TOX: variants seen among roughly 807,000 people sequenced by gnomAD.
TOX encodes thymocyte selection-associated high mobility group box protein TOX.
TOX carries 11 observed loss-of-function variants against 53.7 expected under a neutral mutation model. The observed-to-expected ratio is 0.20, with a 90% CI of 0.13 to 0.34. The LOEUF (loss-of-function observed/expected upper bound fraction) is 0.34. Among genes scored for constraint, TOX ranks in the 10% least tolerant of loss-of-function variants. The pLI is 1.00. For synonymous variants in TOX, 225 were observed against 245.3 expected (o/e 0.92, Z 0.77); for missense variants, 570 against 664.6 (o/e 0.86, Z 1.56).
At chr8:58,959,570 T>A (rs1402232115) in intron 2 of TOX, among the ~76,000 whole-genome samples, 1 of 152,190 alleles carries the variant, frequency 6.6e-6, no homozygotes, top group Non-Finnish European at 1.5e-5. Flanking sequence ...CCCCAACCAT[T>A]GATAATTAAA....
At chr8:59,067,602 A>T (rs1804117244) in intron 1 of TOX, among the ~76,000 whole-genome samples, 1 of 152,004 alleles carries the variant, frequency 6.6e-6, no homozygotes. Context: ...ATAATAACAA[A>T]CATAGCACAT....
In TOX at chr8:58,826,864, G is replaced by A; in HGVS notation, c.963C>T (p.Tyr321=). 1 of 1,612,258 alleles carries A rather than the reference G, an allele frequency of 6.2e-7. No individual in the cohort carries two copies. The highest frequency in any genetic ancestry group is 8.5e-7 in the Non-Finnish European group (1 of 1,179,234). ...CTCTGTATGCTGCGAGTTGCTTCAG[G>A]TACTCCTTCTTCGCAGCCTCGGTTT... ...KKKTEAAKKE[Y]LKQLAAYRAS... The change falls in exon 6 of 9, where the codon TAC becomes TAT. Residue 321 remains tyrosine (Y), a synonymous_variant. Coordinates refer to ENST00000361421, the MANE Select transcript of TOX (RefSeq NM_014729.3).
At chr8:58,855,005 G>A (rs1188759495) in intron 3 of TOX, among the ~76,000 whole-genome samples, 3 of 152,106 alleles carry the variant, frequency 2.0e-5, no homozygotes, top group Non-Finnish European at 2.9e-5. Context: ...CTACAGCTCT[G>A]TCATGTCAAA....
At position 58,990,188 on chromosome 8, in the gene TOX, C is replaced by A. The variant is rs368333458; in HGVS notation, c.103-30180G>T. Among the ~76,000 whole-genome samples, 18 of 152,222 alleles carry A rather than the reference C, an allele frequency of 1.2e-4. No homozygotes were observed. In the East Asian group the frequency reaches 1.6e-3, roughly 13 times the overall value. ...CAGATGGCAAAACTGAGGCACAGAG[C>A]AGGTAAAGAATTGGCCTGTGATCAC... On this transcript the variant is annotated intron_variant, in intron 1 of 8. Coordinates refer to ENST00000361421, the MANE Select transcript of TOX (RefSeq NM_014729.3).
intron 1 of TOX, among the ~76,000 whole-genome samples, chr8:59,083,341 T>G (rs1370635547): frequency 6.6e-6 from 1 of 152,214 alleles, no homozygotes; most frequent in African/African-American, 2.4e-5. Context: ...TAGTTCTGTA[T>G]ATCATGATGG....
intron 1 of TOX, among the ~76,000 whole-genome samples, chr8:58,965,287 C>T (rs1812873085): frequency 6.6e-6 from 1 of 152,104 alleles, no homozygotes; most frequent in Admixed American, 6.6e-5. Flanking sequence ...TTTCAAAGCA[C>T]CAGGGGATGC....
At chr8:58,868,620 A>C (rs571565993) in intron 3 of TOX, among the ~76,000 whole-genome samples, 1 of 152,262 alleles carries the variant, frequency 6.6e-6, no homozygotes. Flanking sequence ...CATATGAATA[A>C]CTTAAGAAAG....
chr8:58,994,769 C>G (rs889801104), intron 1 of TOX, among the ~76,000 whole-genome samples: 1 of 152,212 alleles, frequency 6.6e-6, no homozygotes, highest in Non-Finnish European at 1.5e-5. Context: ...GACTCCCATT[C>G]CCACACAGGC....
At chr8:58,830,489 T>A (rs1473458326) in intron 5 of TOX, among the ~76,000 whole-genome samples, 1 of 152,176 alleles carries the variant, frequency 6.6e-6, no homozygotes, top group African/African-American at 2.4e-5. Context: ...ACGCTTATAA[T>A]CCCTAATTGA....
chr8:59,029,799 A>G (rs1387822685), intron 1 of TOX, among the ~76,000 whole-genome samples: 1 of 152,206 alleles, frequency 6.6e-6, no homozygotes, highest in Non-Finnish European at 1.5e-5. Context: ...GCACTGTGCC[A>G]ACTCATCTTC....
chr8:58,955,066 T>C (rs1812687815), intron 2 of TOX, among the ~76,000 whole-genome samples: 1 of 152,186 alleles, frequency 6.6e-6, no homozygotes, highest in East Asian at 1.9e-4. Flanking sequence ...CAATTTTATA[T>C]TCAAAATGTA....
intron 1 of TOX, among the ~76,000 whole-genome samples, chr8:59,069,407 A>G (rs1349111570): frequency 6.6e-6 from 1 of 152,178 alleles, no homozygotes; most frequent in Non-Finnish European, 1.5e-5. Flanking sequence ...ATCTTGATTT[A>G]AGATGCAGGA....
intron 1 of TOX, among the ~76,000 whole-genome samples, chr8:59,079,158 A>C (rs1804351053): frequency 6.6e-6 from 1 of 152,236 alleles, no homozygotes. Context: ...CTTATATTTA[A>C]AAGGAAAGCA....
intron 6 of TOX, among the ~76,000 whole-genome samples, chr8:58,823,205 G>A (rs934018353): frequency 1.3e-5 from 2 of 152,036 alleles, no homozygotes; most frequent in Admixed American, 1.3e-4. Context: ...TGGATTAGAT[G>A]GTATATAGCA....
intron 1 of TOX, among the ~76,000 whole-genome samples, chr8:59,082,210 C>A (rs1258089688): frequency 6.6e-6 from 1 of 152,106 alleles, no homozygotes; most frequent in Admixed American, 6.5e-5. Context: ...GCTTATATTT[C>A]ATTTATTTTT....
chr8:58,813,893 A>C lies in TOX; in HGVS notation c.1392+1445T>G, dbSNP rs548270197. Among the ~76,000 whole-genome samples, 3 of 152,334 alleles carry C rather than the reference A, an allele frequency of 2.0e-5. No homozygotes were observed. The South Asian group carries it at 6.2e-4, about 32-fold the overall frequency. ...CATATGAAAGAGTTAAGAGTCTACA[A>C]GAACGACTGTGAATGAGATGCAGCA... On this transcript the variant is annotated intron_variant, in intron 7 of 8. Coordinates refer to ENST00000361421, the MANE Select transcript of TOX (RefSeq NM_014729.3).
At chr8:58,922,525 CACAA>C (rs1812090622) in intron 3 of TOX, among the ~76,000 whole-genome samples, 1 of 152,074 alleles carries the variant, frequency 6.6e-6, no homozygotes, top group Non-Finnish European at 1.5e-5. Context: ...GTTACACACA[CACAA>C]ACACACACAT....
chr8:59,091,016 G>A (rs1586013605), intron 1 of TOX, among the ~76,000 whole-genome samples: 3 of 152,116 alleles, frequency 2.0e-5, no homozygotes, highest in African/African-American at 4.8e-5. Flanking sequence ...CTTCTCCAGC[G>A]GCGTTGTCCT....
chr8:58,874,436 T>C (rs906627104), intron 3 of TOX, among the ~76,000 whole-genome samples: 1 of 152,086 alleles, frequency 6.6e-6, no homozygotes, highest in African/African-American at 2.4e-5. Context: ...TTGTGAGCGC[T>C]AAGGTAACGT....
Sources: allele counts gnomAD v4.1 joint callset (sites outside exome capture counted in the v4.1 genomes callset), GRCh38; gene constraint gnomAD v4.1.1; transcripts MANE v1.5; gene names NCBI Gene and HGNC (gene_info 2026-07-23, HGNC 2026-07-21).